Variants in CLSTN2 observed in about 807,000 individuals in gnomAD.
The protein encoded by CLSTN2 is calsyntenin 2.
A neutral mutation model predicts 101.2 loss-of-function variants in CLSTN2; 48 were observed. The ratio of observed to expected loss-of-function variants is 0.47; its 90% CI spans 0.38 to 0.60. The LOEUF is 0.60. Among genes scored for constraint, CLSTN2 ranks in the 20% least tolerant of loss-of-function variants. The pLI is 0.00. For missense variants in CLSTN2, 1,160 were observed against 1,238.2 expected (o/e 0.94, Z 0.95); for synonymous variants, 481 against 463.6 (o/e 1.04, Z -0.48).
intron 9 of CLSTN2, among the ~76,000 whole-genome samples, chr3:140,533,266 G>A (rs1301522605): frequency 6.6e-6 from 1 of 152,204 alleles, no homozygotes; most frequent in Non-Finnish European, 1.5e-5. Context: ...CAGTAAGAGA[G>A]CAGAAGGATA....
chr3:140,421,159 C>G lies in CLSTN2; in HGVS notation c.672C>G (p.Asp224Glu), dbSNP rs370839550. ...NIRNTEKLSYDKQHQYEILVT... is the reference protein window; with the variant it reads ...NIRNTEKLSYEKQHQYEILVT... ...GGAACACTGAGAAGCTGAGCTATGA[C>G]AAACAACACCAGTATGAGATCCTGG... is the stretch of plus-strand genomic sequence containing the variant. The change falls in exon 5 of 17, where the codon GAC (aspartate) becomes GAG (glutamate). Residue 224 changes from aspartate (D) to glutamate (E), a missense_variant. Transcript: ENST00000458420. 64 of 1,614,014 alleles carry G rather than the reference C, an allele frequency of 4.0e-5. No homozygotes were observed. Among genetic ancestry groups the G allele is most frequent in the Non-Finnish European group, 5.3e-5 (62 of 1,180,000 alleles).
In CLSTN2 at chr3:140,271,638, C is replaced by G. The variant is rs140925784; in HGVS notation, c.232+95565C>G. Reference sequence around the variant, plus strand: ...GCACTAATCCCATTCAGAAGGACCCCCCTCTTATGACATAATCACTTCCCA... The same window carrying G: ...GCACTAATCCCATTCAGAAGGACCCGCCTCTTATGACATAATCACTTCCCA... On this transcript the variant is annotated intron_variant, in intron 2 of 16. Transcript: ENST00000458420. 4.1e-3 allele frequency among the ~76,000 whole-genome samples: 623 copies of G among 152,228 alleles called. 2 individuals are homozygous for G. The highest frequency in any genetic ancestry group is 0.014 in the African/African-American group (575 of 41,548).
At chr3:140,492,364 G>A (rs556252503) in intron 8 of CLSTN2, among the ~76,000 whole-genome samples, 2 of 152,312 alleles carry the variant, frequency 1.3e-5, no homozygotes, top group Middle Eastern at 3.4e-3. Context: ...TAATCTTTGA[G>A]CAATAAACAG....
intron 12 of CLSTN2, among the ~76,000 whole-genome samples, chr3:140,559,943 T>C (rs977844636): frequency 6.6e-6 from 1 of 152,226 alleles, no homozygotes; most frequent in African/African-American, 2.4e-5. Flanking sequence ...TTAGGTTGTA[T>C]GATTGTCCCT....
intron 1 of CLSTN2, among the ~76,000 whole-genome samples, chr3:140,154,160 G>A (rs528674112): frequency 1.3e-5 from 2 of 152,268 alleles, no homozygotes; most frequent in South Asian, 4.2e-4. Flanking sequence ...CAGTTGTGGG[G>A]CAGATGGAGG....
chr3:140,094,741 G>A (rs548570395), intron 1 of CLSTN2, among the ~76,000 whole-genome samples: 2 of 152,188 alleles, frequency 1.3e-5, no homozygotes, highest in Admixed American at 1.3e-4. Flanking sequence ...AAGCAGACAA[G>A]AGCCCTCCCC....
intron 2 of CLSTN2, among the ~76,000 whole-genome samples, chr3:140,398,461 G>A (rs1355292763): frequency 6.6e-6 from 1 of 152,162 alleles, no homozygotes; most frequent in East Asian, 1.9e-4. Flanking sequence ...CAGTGCAAAT[G>A]TCAACACAGA....
intron 1 of CLSTN2, among the ~76,000 whole-genome samples, chr3:140,162,832 T>G (rs903163969): frequency 6.6e-6 from 1 of 152,212 alleles, no homozygotes; most frequent in African/African-American, 2.4e-5. Flanking sequence ...CATCCATCGT[T>G]CTGGACATCT....
intron 5 of CLSTN2, among the ~76,000 whole-genome samples, chr3:140,422,243 C>A (rs2088515214): frequency 6.6e-6 from 1 of 151,460 alleles, no homozygotes. Flanking sequence ...TCTTAAATTC[C>A]CCAGAAAGAG....
chr3:140,199,889 G>C (rs1260126566), intron 2 of CLSTN2, among the ~76,000 whole-genome samples: 10 of 152,210 alleles, frequency 6.6e-5, no homozygotes. Flanking sequence ...TTTAATCCAA[G>C]CCAAACAGTG....
intron 1 of CLSTN2, among the ~76,000 whole-genome samples, chr3:140,167,471 T>G (rs370511644): frequency 4.2e-4 from 64 of 152,294 alleles, no homozygotes; most frequent in African/African-American, 1.4e-3. Context: ...CACCTACCTC[T>G]TACCATACTG....
At chr3:140,086,782 A>T (rs575717512) in intron 1 of CLSTN2, among the ~76,000 whole-genome samples, 2 of 152,320 alleles carry the variant, frequency 1.3e-5, no homozygotes, top group South Asian at 2.1e-4. Flanking sequence ...GACTTTTGTC[A>T]TTGCTTAATC....
intron 1 of CLSTN2, among the ~76,000 whole-genome samples, chr3:140,173,649 T>A (rs2010274046): frequency 6.6e-6 from 1 of 152,228 alleles, no homozygotes; most frequent in Non-Finnish European, 1.5e-5. Context: ...GGCATTTCCA[T>A]ACATGTTCTG....
intron 1 of CLSTN2, among the ~76,000 whole-genome samples, chr3:140,070,544 T>C (rs529709070): frequency 7.5e-4 from 114 of 152,342 alleles, no homozygotes; most frequent in African/African-American, 2.4e-3. Context: ...AACTTCAAAA[T>C]CTTACTGAGG....
At chr3:140,109,600 T>G (rs1261860206) in intron 1 of CLSTN2, among the ~76,000 whole-genome samples, 1 of 152,130 alleles carries the variant, frequency 6.6e-6, no homozygotes, top group African/African-American at 2.4e-5. Context: ...GCTTTGGAAG[T>G]CCCCATAATG....
At chr3:140,226,966 T>C (rs539664217) in intron 2 of CLSTN2, among the ~76,000 whole-genome samples, 5 of 152,290 alleles carry the variant, frequency 3.3e-5, no homozygotes, top group African/African-American at 1.2e-4. Flanking sequence ...CCTCTCATGA[T>C]ACTTGGGAAT....
chr3:140,415,292 A>G (rs1157616848), intron 4 of CLSTN2, among the ~76,000 whole-genome samples: 2 of 152,004 alleles, frequency 1.3e-5, no homozygotes, highest in East Asian at 3.9e-4. Flanking sequence ...CAATTTTTTA[A>G]TTTGATAGCA....
intron 2 of CLSTN2, among the ~76,000 whole-genome samples, chr3:140,225,297 A>C (rs1265953851): frequency 6.6e-6 from 1 of 152,162 alleles, no homozygotes; most frequent in Non-Finnish European, 1.5e-5. Flanking sequence ...TCCTGGGCAC[A>C]CATCCCATTA....
At chr3:140,195,315 C>T (rs919703928) in intron 2 of CLSTN2, among the ~76,000 whole-genome samples, 1 of 152,114 alleles carries the variant, frequency 6.6e-6, no homozygotes, top group African/African-American at 2.4e-5. Flanking sequence ...GTTGCTTTCT[C>T]CTTCTGCTCC....
Sources: gnomAD v4.1 joint callset for allele counts (sites outside exome capture counted in the v4.1 genomes callset) on GRCh38, gnomAD v4.1.1 for gene constraint, MANE v1.5 for transcripts, NCBI Gene and HGNC (gene_info 2026-07-23, HGNC 2026-07-21) for gene names.